The following MTOR variants were observed in gnomAD, a reference collection of about 807,000 sequenced individuals.
MTOR encodes mechanistic target of rapamycin kinase.
A neutral mutation model predicts 319.8 loss-of-function variants in MTOR; 70 were observed. That is an observed-to-expected ratio of 0.22 (90% confidence interval 0.18 to 0.27). The LOEUF is 0.27. Ranked by LOEUF, MTOR falls within the 10% of genes least tolerant of loss-of-function variation. MTOR has a pLI of 1.00. For synonymous variants in MTOR, 1,183 were observed against 1,211.4 expected (o/e 0.98, Z 0.49); for missense variants, 1,890 against 3,274.4 (o/e 0.58, Z 10.32).
chr1:11,259,380 G>A lies in MTOR; in HGVS notation c.30C>T (p.Thr10=), dbSNP rs781141628. ...CATTGCTAGATGTGGTGGCAGCGGT[G>A]GTGGCGGCGGCAGGTCCGGTTCCAA... MLGTGPAAA[T]TAATTSSNVS... The change falls in exon 2 of 58, where the codon ACC becomes ACT. Residue 10 remains threonine (T), a synonymous_variant. Coordinates refer to ENST00000361445, the MANE Select transcript of MTOR (RefSeq NM_004958.4). The A allele has an allele frequency of 6.3e-7, 1 of 1,592,804 alleles. No homozygotes were observed. The highest frequency in any genetic ancestry group is 8.5e-7 in the Non-Finnish European group (1 of 1,171,782).
chr1:11,187,584 G>A (rs1193274445), intron 28 of MTOR, among the ~76,000 whole-genome samples: 1 of 152,204 alleles, frequency 6.6e-6, no homozygotes, highest in Non-Finnish European at 1.5e-5. Flanking sequence ...GTACAGGTCT[G>A]CAGCCTGGGG....
Position 11,193,841 on chromosome 1 carries a change from G to A in MTOR, c.4253+5417C>T, listed in dbSNP as rs551203563. 8 of 1,488,456 alleles carry A rather than the reference G, an allele frequency of 5.4e-6. No individual in the cohort carries two copies. In the Admixed American group the frequency reaches 1.1e-4, roughly 21 times the overall value. 92.2% of individuals were successfully genotyped at this position (1,488,456 alleles called of 1,614,324 possible). A position where few individuals can be genotyped will look rare whatever the true frequency, so the allele number is the denominator to read the frequency against. On this transcript the variant is annotated intron_variant, in intron 28 of 57. Transcript: ENST00000361445. The stretch of plus-strand genomic sequence containing the variant: ...CCACACATGACCGCGTACAACTCCG[G>A]GGGTGCCATTCCTATTCTGATTCAA...
intron 54 of MTOR, chr1:11,111,033 C>T (rs1641838691): frequency 2.3e-6 from 1 of 443,952 alleles, no homozygotes; most frequent in African/African-American, 2.0e-5. Context: ...TAAGCTCCCC[C>T]AGAGACTGTG....
At chr1:11,187,950 C>A (rs1171229522) in intron 28 of MTOR, among the ~76,000 whole-genome samples, 3 of 152,046 alleles carry the variant, frequency 2.0e-5, no homozygotes, top group Non-Finnish European at 2.9e-5. Flanking sequence ...AAACTCTGAT[C>A]CACCTGATCC....
chr1:11,189,785 A>G, intron 28 of MTOR: 1 of 1,614,246 alleles, frequency 6.2e-7, no homozygotes, highest in Non-Finnish European at 8.5e-7. Context: ...CTGAACAAGA[A>G]GCAGGAGAGG....
At chr1:11,244,534 C>T (rs189746051) in intron 8 of MTOR, among the ~76,000 whole-genome samples, 67 of 145,466 alleles carry the variant, frequency 4.6e-4, no homozygotes, top group African/African-American at 1.4e-3. Context: ...GGAAGGCTGA[C>T]GCAGGAGAAT....
chr1:11,246,492 T>G (rs1295434828), intron 8 of MTOR, among the ~76,000 whole-genome samples: 1 of 152,226 alleles, frequency 6.6e-6, no homozygotes, highest in African/African-American at 2.4e-5. Flanking sequence ...GTTATTTCTC[T>G]CTGGTTCAGT....
rs147429193 is a variant in MTOR at position 11,144,771 on chromosome 1, C to T, written c.4765-16G>A. The T allele has an allele frequency of 1.7e-5, 28 of 1,607,700 alleles. No homozygotes were observed. The highest frequency in any genetic ancestry group is 2.7e-5 in the African/African-American group (2 of 74,966). On this transcript the variant is annotated splice_polypyrimidine_tract_variant and intron_variant, in intron 33 of 57. Coordinates refer to ENST00000361445, the MANE Select transcript of MTOR (RefSeq NM_004958.4). Reference sequence around the variant, plus strand: ...AAACCATGGCCTGATGGAAGCAAATCGCATTCCAAACTAATTACTGCACGA... The same window carrying T: ...AAACCATGGCCTGATGGAAGCAAATTGCATTCCAAACTAATTACTGCACGA...
intron 1 of MTOR, among the ~76,000 whole-genome samples, 177 bp downstream of exon 1, chr1:11,262,268 G>A (rs985962837): frequency 1.3e-5 from 2 of 152,232 alleles, no homozygotes; most frequent in African/African-American, 2.4e-5. Flanking sequence ...CGGGGAGGTG[G>A]GCGTTGCCTC....
intron 26 of MTOR, among the ~76,000 whole-genome samples, chr1:11,201,014 C>CA (rs55986489): frequency 2.3e-3 from 251 of 109,228 alleles, no homozygotes; most frequent in Middle Eastern, 0.011. Context: ...GACTCTGTTT[C>CA]AAAAAAAAAA....
chr1:11,198,388 T>C (rs542168039), intron 28 of MTOR, among the ~76,000 whole-genome samples: 1 of 152,358 alleles, frequency 6.6e-6, no homozygotes, highest in East Asian at 1.9e-4. Flanking sequence ...CTTTTAAATA[T>C]CTTCTCAAAA....
chr1:11,203,250 AAAC>A (rs141033970), intron 26 of MTOR, among the ~76,000 whole-genome samples: 9,266 of 152,190 alleles, frequency 0.061, 407 homozygotes, highest in South Asian at 0.13. Context: ...AAAACCAACC[AAAC>A]AACAACAACA....
At chr1:11,192,748 T>TAAA (rs56996673) in intron 28 of MTOR, among the ~76,000 whole-genome samples, 3 of 119,254 alleles carry the variant, frequency 2.5e-5, no homozygotes, top group Non-Finnish European at 1.7e-5. Context: ...CCATTTCAAT[T>TAAA]AAAAAAAAAA....
At chr1:11,130,977 A>G (rs564887089) in intron 38 of MTOR, 200 bp from the exon 39 acceptor site, 62 of 658,444 alleles carry the variant, frequency 9.4e-5, no homozygotes, top group Non-Finnish European at 1.4e-4. Context: ...CACTAACTAT[A>G]TAACGTACTA....
rs1228888866 is a variant in MTOR, at chr1:11,240,373, GGTC to G, written c.1713_1715del (p.Thr572del). 1 of 1,613,900 alleles carries G rather than the reference GGTC, an allele frequency of 6.2e-7. No homozygotes were observed. Among genetic ancestry groups the G allele is most frequent in the Admixed American group, 1.7e-5 (1 of 59,976 alleles). On this transcript the variant is annotated inframe_deletion, in exon 11 of 58. Transcript: ENST00000361445. ...TGCCCACATCGCTGGCCTCAGGGAGGGTCGTGAGGCCAGGAGAGGCCAGCTGAT... is the reference window on the plus strand; with the variant it reads ...TGCCCACATCGCTGGCCTCAGGGAGGGTGAGGCCAGGAGAGGCCAGCTGAT...
In MTOR at chr1:11,106,615, T is replaced by A. The variant is rs1641589894; in HGVS notation, c.*870A>T. Reference sequence around the variant, plus strand: ...GGTGTCTAGACATGGCTACACTTTATACTTTGTGCATTTAGTTGAGTATTT... The same window carrying A: ...GGTGTCTAGACATGGCTACACTTTAAACTTTGTGCATTTAGTTGAGTATTT... On this transcript the variant is annotated 3_prime_UTR_variant, in exon 58 of 58. Coordinates refer to ENST00000361445, the MANE Select transcript of MTOR (RefSeq NM_004958.4). 1 of 1,089,124 alleles carries A rather than the reference T, an allele frequency of 9.2e-7. No homozygotes were observed. The highest frequency in any genetic ancestry group is 1.1e-6 in the Non-Finnish European group (1 of 892,982). The allele number at this position is 1,089,124 out of a possible 1,614,324, so 67.5% of individuals were successfully genotyped here. A position where few individuals can be genotyped will look rare whatever the true frequency, so the allele number is the denominator to read the frequency against.
chr1:11,232,433 C>A lies in MTOR; in HGVS notation c.2514+3G>T, dbSNP rs1647050552. On this transcript the variant is annotated splice_donor_region_variant and intron_variant, in intron 16 of 57. Coordinates refer to ENST00000361445, the MANE Select transcript of MTOR (RefSeq NM_004958.4). ...TGCTCAATCAGGAAGCAGTAATACTCACCTGCCTTTTGGCCAACAAAGAGG... is the reference window on the plus strand; with the variant it reads ...TGCTCAATCAGGAAGCAGTAATACTAACCTGCCTTTTGGCCAACAAAGAGG... 8.7e-6 allele frequency: 14 copies of A among 1,611,286 alleles called. No individual in the cohort carries two copies. Among genetic ancestry groups the A allele is most frequent in the Non-Finnish European group, 1.2e-5 (14 of 1,177,478 alleles).
rs187235357 is a variant in MTOR at position 11,232,419 on chromosome 1, G to T, written c.2514+17C>A. 8 of 1,593,796 alleles carry T rather than the reference G, an allele frequency of 5.0e-6. No individual in the cohort carries two copies. Among genetic ancestry groups the T allele is most frequent in the Non-Finnish European group, 6.9e-6 (8 of 1,161,918 alleles). On this transcript the variant is annotated intron_variant, in intron 16 of 57. Coordinates refer to ENST00000361445, the MANE Select transcript of MTOR (RefSeq NM_004958.4). ...CATGGGGTCTGTCTTGCTCAATCAG[G>T]AAGCAGTAATACTCACCTGCCTTTT... is the stretch of plus-strand genomic sequence containing the variant.
At chr1:11,254,698 G>A (rs1452301476) in intron 5 of MTOR, among the ~76,000 whole-genome samples, 1 of 151,720 alleles carries the variant, frequency 6.6e-6, no homozygotes, top group Non-Finnish European at 1.5e-5. Flanking sequence ...TTCTAAATTA[G>A]TATCATTTGT....
Sources: gnomAD v4.1 joint callset for allele counts (sites outside exome capture counted in the v4.1 genomes callset) on GRCh38, gnomAD v4.1.1 for gene constraint, MANE v1.5 for transcripts, NCBI Gene and HGNC (gene_info 2026-07-23, HGNC 2026-07-21) for gene names.